The following ACYP2 variants were observed in gnomAD, a reference collection of about 807,000 sequenced individuals.
The protein encoded by ACYP2 is acylphosphatase 2.
ACYP2 carries 12 observed loss-of-function variants against 11.2 expected under a neutral mutation model. The ratio of observed to expected loss-of-function variants is 1.08; its 90% confidence interval spans 0.69 to 1.74. The LOEUF is 1.74. Ranked by LOEUF, ACYP2 falls within the 40% of genes most tolerant of loss-of-function variation. The pLI is 0.00. For missense variants in ACYP2, 134 were observed against 101.9 expected (o/e 1.31, Z -1.35); for synonymous variants, 43 against 32.2 (o/e 1.33, Z -1.13).
At chr2:54,113,287 T>A (rs1203967119) in intron 4 of ACYP2, among the ~76,000 whole-genome samples, 1 of 151,380 alleles carries the variant, frequency 6.6e-6, no homozygotes, top group Non-Finnish European at 1.5e-5. Context: ...TCACCCAGGC[T>A]GGAGTGCAGT....
chr2:54,284,681 C>T (rs368381761), intron 6 of ACYP2, among the ~76,000 whole-genome samples: 1 of 152,258 alleles, frequency 6.6e-6, no homozygotes. Context: ...ACATCATCTC[C>T]AGCCCTTTAT....
At chr2:53,994,329 C>CAAAAAAAAAAA (rs374302355) in intron 2 of ACYP2, among the ~76,000 whole-genome samples, 3 of 42,864 alleles carry the variant, frequency 7.0e-5, no homozygotes, top group Admixed American at 4.0e-4. Context: ...GACTCCGTCT[C>CAAAAAAAAAAA]AAAAAAAAAA....
intron 6 of ACYP2, among the ~76,000 whole-genome samples, chr2:54,182,405 A>T (rs1019654176): frequency 1.3e-5 from 2 of 152,100 alleles, no homozygotes; most frequent in African/African-American, 4.8e-5. Flanking sequence ...ACGGTTGCAC[A>T]ATCATGGTTC....
intron 6 of ACYP2, chr2:54,223,180 A>G (rs1272989719): frequency 6.6e-6 from 1 of 152,220 alleles, no homozygotes; most frequent in Admixed American, 6.5e-5. Context: ...TCAGTCAGAC[A>G]GCCCCCATTT....
At chr2:54,035,449 T>A (rs1447832022) in intron 2 of ACYP2, among the ~76,000 whole-genome samples, 1 of 151,934 alleles carries the variant, frequency 6.6e-6, no homozygotes, top group South Asian at 2.1e-4. Flanking sequence ...GTGTTTTTAG[T>A]AGAGACGTGG....
intron 6 of ACYP2, among the ~76,000 whole-genome samples, chr2:54,289,875 G>T (rs565500237): frequency 1.3e-5 from 2 of 152,082 alleles, no homozygotes; most frequent in South Asian, 4.1e-4. Flanking sequence ...GGCATTCCGA[G>T]AGCCCCCATC....
rs573504395 is a variant in ACYP2, at chr2:54,300,175, C to G, written c.405-4513C>G. 2.3e-4 allele frequency among the ~76,000 whole-genome samples: 35 copies of G among 152,334 alleles called. No homozygotes were observed. In the East Asian group the frequency reaches 6.4e-3, roughly 28 times the overall value. The stretch of plus-strand genomic sequence containing the variant: ...TTCTATACCTAATGAGTCCACTCAT[C>G]TCTTGATCCTGTTTCTTCTGACAGC... On this transcript the variant is annotated intron_variant, in intron 6 of 6. Coordinates refer to ENST00000607452, the MANE Select transcript of ACYP2 (RefSeq NM_001320586.2).
At chr2:54,185,884 T>G (rs1215041218) in intron 6 of ACYP2, among the ~76,000 whole-genome samples, 1 of 151,992 alleles carries the variant, frequency 6.6e-6, no homozygotes, top group Non-Finnish European at 1.5e-5. Context: ...TTGAAGTATT[T>G]AAAACATTAT....
chr2:54,255,920 C>T, intron 6 of ACYP2: 7 of 1,614,104 alleles, frequency 4.3e-6, no homozygotes, highest in Non-Finnish European at 5.9e-6. Context: ...TGACTGCGAC[C>T]CGCATCGACC....
intron 2 of ACYP2, among the ~76,000 whole-genome samples, chr2:54,026,457 G>A (rs1674291353): frequency 6.6e-6 from 1 of 152,162 alleles, no homozygotes; most frequent in Non-Finnish European, 1.5e-5. Flanking sequence ...TACACTGCTG[G>A]TGGGAATGTA....
intron 2 of ACYP2, among the ~76,000 whole-genome samples, chr2:54,009,136 G>A (rs1282530689): frequency 1.3e-5 from 2 of 149,984 alleles, no homozygotes; most frequent in Non-Finnish European, 3.0e-5. Flanking sequence ...CTGGGCAACA[G>A]AGCAAGACTC....
intron 6 of ACYP2, among the ~76,000 whole-genome samples, chr2:54,146,571 G>A (rs905436487): frequency 1.3e-5 from 2 of 151,498 alleles, no homozygotes; most frequent in East Asian, 1.9e-4. Context: ...CACCATGCCC[G>A]GCCCCTGATT....
At chr2:54,017,264 T>TTTCTC (rs1436743956) in intron 2 of ACYP2, among the ~76,000 whole-genome samples, 3 of 120,908 alleles carry the variant, frequency 2.5e-5, no homozygotes, top group Non-Finnish European at 3.3e-5. Flanking sequence ...TTTCTTTTCT[T>TTTCTC]TTCTTTTCTT....
intron 4 of ACYP2, among the ~76,000 whole-genome samples, chr2:54,078,982 G>A (rs1163871816): frequency 6.6e-6 from 1 of 152,160 alleles, no homozygotes; most frequent in Non-Finnish European, 1.5e-5. Context: ...TATATTGTTT[G>A]TTTACTGAAT....
At chr2:54,019,935 T>C (rs936055348) in intron 2 of ACYP2, among the ~76,000 whole-genome samples, 7 of 151,896 alleles carry the variant, frequency 4.6e-5, no homozygotes, top group Non-Finnish European at 8.8e-5. Flanking sequence ...TTTTGAATGA[T>C]GCTTCTTTTT....
At chr2:54,199,701 T>G (rs1684676875) in intron 6 of ACYP2, among the ~76,000 whole-genome samples, 2 of 152,144 alleles carry the variant, frequency 1.3e-5, no homozygotes, top group South Asian at 4.2e-4. Flanking sequence ...GAGAAATAAT[T>G]TTTGAAGTGA....
chr2:54,228,049 A>T (rs1686083396), intron 6 of ACYP2, among the ~76,000 whole-genome samples: 1 of 152,262 alleles, frequency 6.6e-6, no homozygotes, highest in African/African-American at 2.4e-5. Flanking sequence ...GAACAGGTTC[A>T]GGCTGGCTGA....
At chr2:54,201,636 C>CTTTCTTTCTTTCTTTCTCTT (rs59874821) in intron 6 of ACYP2, among the ~76,000 whole-genome samples, 5 of 93,698 alleles carry the variant, frequency 5.3e-5, no homozygotes, top group African/African-American at 1.7e-4. Flanking sequence ...TTCTTTCTTT[C>CTTTCTTTCTTTCTTTCTCTT]TCTTTCTTTC....
At chr2:54,014,654 A>G (rs973647980) in intron 2 of ACYP2, among the ~76,000 whole-genome samples, 1 of 152,068 alleles carries the variant, frequency 6.6e-6, no homozygotes, top group Non-Finnish European at 1.5e-5. Context: ...AGCTCTTTTT[A>G]TTTCAGCTGG....
Sources: allele counts gnomAD v4.1 joint callset (sites outside exome capture counted in the v4.1 genomes callset), GRCh38; gene constraint gnomAD v4.1.1; transcripts MANE v1.5; gene names NCBI Gene and HGNC (gene_info 2026-07-23, HGNC 2026-07-21).